The following AP2A2 variants were observed in gnomAD, a reference collection of about 807,000 sequenced individuals.
AP2A2 encodes the protein AP-2 complex subunit alpha-2.
A neutral mutation model predicts 104.2 loss-of-function variants in AP2A2; 32 were observed. The ratio of observed to expected loss-of-function variants is 0.31; its 90% CI spans 0.23 to 0.41. The LOEUF (loss-of-function observed/expected upper bound fraction) is 0.41, where lower values mean the gene tolerates loss of function less well. AP2A2 is among the 10% of genes least tolerant of loss of function. The pLI is 1.00. For synonymous variants in AP2A2, 539 were observed against 533.3 expected (o/e 1.01, Z -0.15); for missense variants, 912 against 1,261.0 (o/e 0.72, Z 4.19).
intron 17 of AP2A2, chr11:1,007,760 CAA>C: frequency 1.7e-6 from 1 of 577,574 alleles, no homozygotes; most frequent in East Asian, 3.0e-5. Flanking sequence ...TGAAAACAGA[CAA>C]GTAGTATATA....
chr11:981,540 G>T (rs115723304), intron 6 of AP2A2, among the ~76,000 whole-genome samples: 4,125 of 152,294 alleles, frequency 0.027, 191 homozygotes, highest in African/African-American at 0.092. Flanking sequence ...GGCACCCAGT[G>T]GCCCCGTGTC....
chr11:997,051 T>C (rs1855879985), intron 14 of AP2A2, among the ~76,000 whole-genome samples: 7 of 152,208 alleles, frequency 4.6e-5, no homozygotes, highest in Admixed American at 4.6e-4. Flanking sequence ...GAGACACTCC[T>C]GGCGAAGTTT....
At chr11:972,314 C>T (rs1261702448) in intron 4 of AP2A2, 59 bp downstream of exon 4, 3 of 1,459,966 alleles carry the variant, frequency 2.1e-6, no homozygotes, top group South Asian at 1.3e-5. Context: ...ATGCCAAATA[C>T]ATCAAATATG....
intron 1 of AP2A2, among the ~76,000 whole-genome samples, chr11:927,816 C>CAAA (rs35472837): frequency 0.02 from 1,234 of 62,278 alleles, 6 homozygotes; most frequent in Non-Finnish European, 0.021. Context: ...ACCTTTCTCA[C>CAAA]AAAAAAAAAA....
chr11:932,786 C>T, intron 1 of AP2A2: 1 of 456,002 alleles, frequency 2.2e-6, no homozygotes, highest in South Asian at 1.6e-5. Context: ...AGGTCAGGAT[C>T]ACTTTCTTTT....
Position 977,301 on chromosome 11 carries a change from C to T in AP2A2, c.603+77C>T, listed in dbSNP as rs1380198324. 9 of 1,502,086 alleles carry T rather than the reference C, an allele frequency of 6.0e-6. No individual in the cohort carries two copies. In the East Asian group the frequency reaches 1.2e-4, roughly 20 times the overall value. The allele number at this position is 1,502,086 out of a possible 1,614,324, so 93.0% of individuals were successfully genotyped here. A position where few individuals can be genotyped will look rare whatever the true frequency, so the allele number is the denominator to read the frequency against. On this transcript the variant is annotated intron_variant, in intron 5 of 21. Coordinates refer to ENST00000448903, the MANE Select transcript of AP2A2 (RefSeq NM_012305.4). ...TGGCCGTTGTGAAGACACCATGGTG[C>T]GCCTTCTCGGGATGCCCAGGAGAGG...
At chr11:983,701 T>C (rs1855350607) in intron 6 of AP2A2, among the ~76,000 whole-genome samples, 1 of 152,210 alleles carries the variant, frequency 6.6e-6, no homozygotes, top group Admixed American at 6.5e-5. Context: ...TTTTAAACGC[T>C]TGAGATGAAT....
At chr11:1,002,936 G>A (rs1429083431) in intron 15 of AP2A2, among the ~76,000 whole-genome samples, 1 of 152,234 alleles carries the variant, frequency 6.6e-6, no homozygotes. Flanking sequence ...CCTGTGGTTT[G>A]AATCAGTGCC....
chr11:988,520 T>C, intron 9 of AP2A2, 32 bp from the exon 10 acceptor site: 1 of 1,600,536 alleles, frequency 6.2e-7, no homozygotes, highest in African/African-American at 1.3e-5. Context: ...GCCTTGCTCC[T>C]GCGACCTCTT....
At chr11:1,000,943 T>C (rs943198487) in intron 15 of AP2A2, among the ~76,000 whole-genome samples, 3 of 152,176 alleles carry the variant, frequency 2.0e-5, no homozygotes, top group Non-Finnish European at 4.4e-5. Context: ...TAGCTACACG[T>C]CTCCTCTCTT....
At chr11:943,096 A>T (rs1463439644) in intron 1 of AP2A2, 4 of 152,198 alleles carry the variant, frequency 2.6e-5, no homozygotes, top group Admixed American at 2.0e-4. Flanking sequence ...AACAGGTCTG[A>T]TGTAATTATA....
rs751262548 is a variant in AP2A2, at chr11:988,620, C to T, written c.1200C>T (p.Asn400=). 8 of 1,613,514 alleles carry T rather than the reference C, an allele frequency of 5.0e-6. No individual in the cohort carries two copies. Among genetic ancestry groups the T allele is most frequent in the Middle Eastern group, 1.6e-4 (1 of 6,084 alleles). Residue 400 remains asparagine, a synonymous_variant, in exon 10 of 22, where the codon AAC becomes AAT. Coordinates refer to ENST00000448903, the MANE Select transcript of AP2A2 (RefSeq NM_012305.4). ...DLLYAMCDRS[N]APQIVAEMLS... is the part of the protein sequence containing the mutation. ...TCTACGCCATGTGCGACCGCAGCAA[C>T]GCCCCACAGATCGTGGCCGAGATGC...
chr11:935,205 A>G (rs1363349121), intron 1 of AP2A2, among the ~76,000 whole-genome samples: 6 of 151,890 alleles, frequency 4.0e-5, no homozygotes, highest in African/African-American at 1.5e-4. Context: ...AGATGCGCGC[A>G]CCACCATGCC....
chr11:1,008,227 G>C (rs1478611124), intron 18 of AP2A2, 92 bp downstream of exon 18: 1 of 1,465,556 alleles, frequency 6.8e-7, no homozygotes, highest in Non-Finnish European at 9.0e-7. Flanking sequence ...TGTCCTTCCT[G>C]AGGGGACCCG....
intron 2 of AP2A2, among the ~76,000 whole-genome samples, chr11:964,239 A>G (rs1854538145): frequency 6.6e-6 from 1 of 152,234 alleles, no homozygotes; most frequent in Admixed American, 6.5e-5. Flanking sequence ...CAACCAGGGA[A>G]AGAATCGATA....
chr11:986,446 T>C lies in AP2A2; in HGVS notation c.963-339T>C, dbSNP rs1252742992. On this transcript the variant is annotated intron_variant, in intron 8 of 21. Transcript: ENST00000448903. ...CTTCTCCCTGCCCTGGGCTGGTGCC[T>C]CTGGCTGAGACCCCATTGCCGGTCA... is the stretch of plus-strand genomic sequence containing the variant. Among the ~76,000 whole-genome samples the C allele has an allele frequency of 2.0e-5, 3 of 152,214 alleles. No individual in the cohort carries two copies. In the East Asian group the frequency reaches 5.8e-4, roughly 29 times the overall value.
chr11:972,507 C>A (rs976397131), intron 4 of AP2A2, among the ~76,000 whole-genome samples: 2 of 152,118 alleles, frequency 1.3e-5, no homozygotes, highest in African/African-American at 4.8e-5. Flanking sequence ...CCAGCCTGGG[C>A]AACATAGGGA....
At position 925,931 on chromosome 11, in the gene AP2A2, C is replaced by T. The variant is rs1853102770; in HGVS notation, c.-91C>T. 24 of 1,019,954 alleles carry T rather than the reference C, an allele frequency of 2.4e-5. No homozygotes were observed. The highest frequency in any genetic ancestry group is 2.9e-5 in the Non-Finnish European group (22 of 768,180). The allele number at this position is 1,019,954 out of a possible 1,614,324, so 63.2% of individuals were successfully genotyped here. On this transcript the variant is annotated 5_prime_UTR_variant, in exon 1 of 22. Transcript: ENST00000448903. ...AGGCGGCTCCCCGGCGGCTCCTCCG[C>T]GGCGGTGACGGCGACCGCACTCCCC...
At chr11:1,006,484 G>C (rs778374108) in intron 16 of AP2A2, 44 bp from the exon 17 acceptor site, 1 of 1,335,842 alleles carries the variant, frequency 7.5e-7, no homozygotes, top group African/African-American at 1.4e-5. Context: ...TTCAGGGTAA[G>C]TGTGAAATGG....
Sources: allele counts gnomAD v4.1 joint callset (sites outside exome capture counted in the v4.1 genomes callset), GRCh38; gene constraint gnomAD v4.1.1; transcripts MANE v1.5; gene names NCBI Gene and HGNC (gene_info 2026-07-23, HGNC 2026-07-21).